The following RAI14 variants were observed in gnomAD, a reference collection of about 807,000 sequenced individuals.
The protein encoded by RAI14 is ankycorbin.
Under a neutral mutation model 115.4 loss-of-function variants are expected in RAI14, and 45 were observed. The observed-to-expected ratio is 0.39, with a 90% CI of 0.31 to 0.50. The LOEUF (loss-of-function observed/expected upper bound fraction) is 0.50, where lower values mean the gene tolerates loss of function less well. RAI14 is among the 20% of genes least tolerant of loss of function. The pLI is 0.85. For missense variants in RAI14, 939 were observed against 1,131.2 expected (o/e 0.83, Z 2.44); for synonymous variants, 371 against 415.4 (o/e 0.89, Z 1.30).
In RAI14 at chr5:34,757,481, A is replaced by G. The variant is rs1166764655; in HGVS notation, c.50A>G (p.Asn17Ser). Reference protein sequence around the residue: ...KFRKSDTNEWNKNDDRLLQAV... With the variant: ...KFRKSDTNEWSKNDDRLLQAV... ...CTTTCTCTACAGACCAATGAGTGGA[A>G]CAAGAATGATGACCGGCTACTGCAG... Residue 17 changes from asparagine (N) to serine (S), a missense_variant, in exon 3 of 18, where the codon AAC becomes AGC. Asn to Ser is a conservative substitution (Grantham distance 46). Coordinates refer to ENST00000265109, the MANE Select transcript of RAI14 (RefSeq NM_015577.3). 1.2e-6 allele frequency: 2 copies of G among 1,613,734 alleles called. No individual in the cohort carries two copies. The highest frequency in any genetic ancestry group is 1.7e-6 in the Non-Finnish European group (2 of 1,179,900).
At chr5:34,722,532 G>A (rs191132941) in intron 2 of RAI14, among the ~76,000 whole-genome samples, 1 of 152,028 alleles carries the variant, frequency 6.6e-6, no homozygotes, top group African/African-American at 2.4e-5. Flanking sequence ...TGTGTGATGT[G>A]GTGACAAGCA....
At chr5:34,686,995 C>A (rs1490355907) in intron 2 of RAI14, 40 bp downstream of exon 2, 1 of 1,610,162 alleles carries the variant, frequency 6.2e-7, no homozygotes, top group African/African-American at 1.3e-5. Flanking sequence ...GTTCCTTCTT[C>A]TCCATGGAGC....
chr5:34,725,326 G>A (rs982430387), intron 2 of RAI14, among the ~76,000 whole-genome samples: 3 of 152,002 alleles, frequency 2.0e-5, no homozygotes, highest in Non-Finnish European at 4.4e-5. Flanking sequence ...AATTAGTGAT[G>A]TGGTGACTTT....
chr5:34,665,928 T>A (rs1304366931), intron 1 of RAI14, among the ~76,000 whole-genome samples: 1 of 152,230 alleles, frequency 6.6e-6, no homozygotes, highest in East Asian at 1.9e-4. Context: ...GGTTGCTATG[T>A]CAACCAGTCA....
chr5:34,821,472 A>C (rs1398280827), intron 13 of RAI14, among the ~76,000 whole-genome samples: 9 of 152,188 alleles, frequency 5.9e-5, no homozygotes, highest in Non-Finnish European at 1.3e-4. Flanking sequence ...TGAATAGGAA[A>C]TATATGACCA....
intron 2 of RAI14, among the ~76,000 whole-genome samples, chr5:34,724,390 A>G (rs1407519454): frequency 6.6e-6 from 1 of 152,174 alleles, no homozygotes; most frequent in Non-Finnish European, 1.5e-5. Flanking sequence ...TATCCAGATA[A>G]TGAAATGTTT....
At chr5:34,689,346 A>G (rs1482893990) in intron 2 of RAI14, among the ~76,000 whole-genome samples, 2 of 152,174 alleles carry the variant, frequency 1.3e-5, no homozygotes, top group East Asian at 3.9e-4. Flanking sequence ...TCAAGGCTAC[A>G]GTGAATTGTG....
intron 15 of RAI14, among the ~76,000 whole-genome samples, chr5:34,824,709 C>A (rs868431123): frequency 6.6e-6 from 1 of 151,958 alleles, no homozygotes; most frequent in East Asian, 1.9e-4. Flanking sequence ...TTTGGGAGGC[C>A]GAGGTGGGTG....
chr5:34,823,884 A>G lies in RAI14; in HGVS notation c.2042A>G (p.His681Arg). 1 of 1,614,204 alleles carries G rather than the reference A, an allele frequency of 6.2e-7. No homozygotes were observed. The highest frequency in any genetic ancestry group is 1.6e-4 in the Middle Eastern group (1 of 6,062). The change falls in exon 15 of 18, where the codon CAT becomes CGT. Residue 681 changes from histidine to arginine, a missense_variant. His to Arg is a conservative substitution (Grantham distance 29, BLOSUM62 0). Coordinates refer to ENST00000265109, the MANE Select transcript of RAI14 (RefSeq NM_015577.3). This position sits in a 1 kb window ranked among gnomAD's most constrained non-coding sequence, Gnocchi z 4.5. ...VTAEYIHKAE[H>R]EKLMQLTNVS... is the part of the protein sequence containing the mutation. Reference sequence around the variant, plus strand: ...GCTGAATATATCCATAAAGCAGAGCATGAGAAACTGATGCAATTGACAAAC... The same window carrying G: ...GCTGAATATATCCATAAAGCAGAGCGTGAGAAACTGATGCAATTGACAAAC...
chr5:34,809,608 CTTTTTT>C (rs61391015), intron 7 of RAI14, among the ~76,000 whole-genome samples: 1 of 143,762 alleles, frequency 7.0e-6, no homozygotes, highest in Non-Finnish European at 1.5e-5. Flanking sequence ...GAGAGCTGCA[CTTTTTT>C]TTTTTTTTCT....
At chr5:34,799,753 T>C (rs1175406271) in intron 4 of RAI14, among the ~76,000 whole-genome samples, 6 of 147,516 alleles carry the variant, frequency 4.1e-5, no homozygotes, top group Admixed American at 2.1e-4. Flanking sequence ...AGTGGCACGA[T>C]CTCGGCTCAC....
chr5:34,729,369 A>C (rs1743893441), intron 2 of RAI14, among the ~76,000 whole-genome samples: 1 of 152,176 alleles, frequency 6.6e-6, no homozygotes, highest in African/African-American at 2.4e-5. Context: ...CACAAGCTGA[A>C]GGGTGAATAC....
At chr5:34,719,185 A>T (rs781136176) in intron 2 of RAI14, among the ~76,000 whole-genome samples, 4 of 152,202 alleles carry the variant, frequency 2.6e-5, no homozygotes, top group Non-Finnish European at 5.9e-5. Flanking sequence ...TTCCCTCAGC[A>T]TCTGACGGAT....
chr5:34,727,466 A>G (rs927145496), intron 2 of RAI14, among the ~76,000 whole-genome samples: 2 of 152,212 alleles, frequency 1.3e-5, no homozygotes, highest in African/African-American at 4.8e-5. Context: ...CACCAAGTCA[A>G]TGGGGAGGAT....
chr5:34,811,804 A>G lies in RAI14; in HGVS notation c.595A>G (p.Asn199Asp), dbSNP rs1561069562. The G allele has an allele frequency of 6.2e-7, 1 of 1,613,496 alleles. No homozygotes were observed. Reference sequence around the variant, plus strand: ...GCTGGCCTGTGAGATTGGCAGCTCTAACGCTGTGGAAGCCTTAATTAAAAA... The same window carrying G: ...GCTGGCCTGTGAGATTGGCAGCTCTGACGCTGTGGAAGCCTTAATTAAAAA... ...LMLACEIGSS[N>D]AVEALIKKGA... Residue 199 changes from asparagine (N) to aspartate (D), a missense_variant, in exon 9 of 18, where the codon AAC becomes GAC. By Grantham distance (23) the Asn-to-Asp change is conservative. Transcript: ENST00000265109.
chr5:34,785,147 G>A (rs949618683), intron 3 of RAI14, among the ~76,000 whole-genome samples: 1 of 152,134 alleles, frequency 6.6e-6, no homozygotes, highest in Non-Finnish European at 1.5e-5. Flanking sequence ...GTCCTCTAAA[G>A]CCTCCAGTTT....
chr5:34,822,250 G>GTATGTATATATATATATATA (rs1554012471), intron 14 of RAI14, among the ~76,000 whole-genome samples: 97 of 134,714 alleles, frequency 7.2e-4, no homozygotes, highest in Middle Eastern at 5.3e-3. Context: ...ATGTGTGTAT[G>GTATGTATATATATATATATA]TATATATATA....
chr5:34,803,607 A>G (rs529025846), intron 4 of RAI14, 105 bp from the exon 5 acceptor site: 2 of 954,034 alleles, frequency 2.1e-6, no homozygotes, highest in African/African-American at 1.7e-5. Context: ...TCTTTTTTGG[A>G]TAACAACCTA....
chr5:34,801,891 C>T (rs1776591475), intron 4 of RAI14, among the ~76,000 whole-genome samples: 1 of 152,008 alleles, frequency 6.6e-6, no homozygotes, highest in African/African-American at 2.4e-5. Flanking sequence ...GGCAACATAG[C>T]AAGACCCCCA....
Sources: gnomAD v4.1 joint callset for allele counts (sites outside exome capture counted in the v4.1 genomes callset) on GRCh38, gnomAD v4.1.1 for gene constraint, Gnocchi (gnomAD v3.1) non-coding constraint, MANE v1.5 for transcripts, NCBI Gene and HGNC (gene_info 2026-07-23, HGNC 2026-07-21) for gene names.